The following GRAMD1B variants were observed in gnomAD, a reference collection of about 807,000 sequenced individuals.
GRAMD1B encodes protein Aster-B.
Under a neutral mutation model 99.7 loss-of-function variants are expected in GRAMD1B, and 37 were observed. The observed-to-expected ratio is 0.37, with a 90% CI of 0.29 to 0.49. The LOEUF is 0.49. Ranked by LOEUF, GRAMD1B falls within the 20% of genes least tolerant of loss-of-function variation. The pLI is 0.98. For synonymous variants in GRAMD1B, 427 were observed against 387.6 expected (o/e 1.10, Z -1.19); for missense variants, 888 against 1,009.2 (o/e 0.88, Z 1.63).
Position 123,579,011 on chromosome 11 carries a change from T to C in GRAMD1B, c.663+1434T>C, listed in dbSNP as rs573586356. 5.3e-5 allele frequency among the ~76,000 whole-genome samples: 8 copies of C among 152,296 alleles called. No individual in the cohort carries two copies. The South Asian group carries it at 1.2e-3, about 24-fold the overall frequency. ...GGCACCCCTTAGCATTTCTAACCAC[T>C]GCCCAGACTGGGGTTCATGGTGTGC... On this transcript the variant is annotated intron_variant, in intron 3 of 19. Transcript: ENST00000635736.
chr11:123,479,700 C>CTAA (rs1951485734), intron 1 of GRAMD1B, among the ~76,000 whole-genome samples: 1 of 152,152 alleles, frequency 6.6e-6, no homozygotes, highest in Non-Finnish European at 1.5e-5. Context: ...ATGGTGCCCA[C>CTAA]AACTCTGTCT....
intron 1 of GRAMD1B, among the ~76,000 whole-genome samples, chr11:123,410,950 GT>G (rs1180195209): frequency 1.2e-4 from 18 of 151,802 alleles, no homozygotes; most frequent in Non-Finnish European, 1.0e-4. Flanking sequence ...AAAGTGCCTT[GT>G]ATACCTCTGA....
At chr11:123,597,275 TTTTTTTTTTTTAA>T (rs1951403631) in intron 7 of GRAMD1B, among the ~76,000 whole-genome samples, 1 of 126,544 alleles carries the variant, frequency 7.9e-6, no homozygotes, top group African/African-American at 2.9e-5. Context: ...TTTTTTTTTT[TTTTTTTTTTTTAA>T]GAGACAGGCT....
At chr11:123,593,963 G>A in intron 4 of GRAMD1B, 119 bp from the exon 5 acceptor site, 1 of 713,160 alleles carries the variant, frequency 1.4e-6, no homozygotes, top group Non-Finnish European at 2.5e-6. Context: ...GGGTCTGTGG[G>A]AGGGCAGAGC....
intron 2 of GRAMD1B, among the ~76,000 whole-genome samples, chr11:123,489,690 T>A (rs1938318696): frequency 6.6e-6 from 1 of 152,198 alleles, no homozygotes; most frequent in Non-Finnish European, 1.5e-5. Context: ...TCTAGAAGTC[T>A]GCCTGGGAAG....
At chr11:123,435,518 G>A (rs1949119726) in intron 1 of GRAMD1B, 3 of 688,818 alleles carry the variant, frequency 4.4e-6, no homozygotes, top group Admixed American at 2.1e-5. Flanking sequence ...ACCCTAGGAA[G>A]GAAGAAGTGG....
In GRAMD1B at chr11:123,610,155, C is replaced by T. The variant is rs1307638692; in HGVS notation, c.1777-41C>T. 3.7e-6 allele frequency: 6 copies of T among 1,608,820 alleles called. No homozygotes were observed. The East Asian group carries it at 1.3e-4, about 36-fold the overall frequency. ...AGAAGGTGCTTTTCCAAGCTTCTTG[C>T]TCCTCTTCAGTTTTGTCCAATGGAC... On this transcript the variant is annotated intron_variant, in intron 13 of 19. Coordinates refer to ENST00000635736, the MANE Select transcript of GRAMD1B (RefSeq NM_001387025.1). The surrounding 1 kb of genome is among the most constrained non-coding windows in gnomAD (Gnocchi z 4.1).
At chr11:123,358,911 G>A (rs1228899717) in intron 1 of GRAMD1B, 1 of 152,390 alleles carries the variant, frequency 6.6e-6, no homozygotes, top group Non-Finnish European at 1.5e-5. Context: ...GTGGGGGGTA[G>A]GGGTGCTGTT....
At chr11:123,599,016 C>A in intron 7 of GRAMD1B, 2 of 1,109,938 alleles carry the variant, frequency 1.8e-6, no homozygotes, top group Non-Finnish European at 2.8e-6. Context: ...GTACTTGAGG[C>A]AACAGTCATG....
chr11:123,441,609 C>G (rs551590430), intron 1 of GRAMD1B, among the ~76,000 whole-genome samples: 3 of 151,878 alleles, frequency 2.0e-5, no homozygotes, highest in East Asian at 3.9e-4. Context: ...TAGTGAGACC[C>G]CCACCTCTAT....
intron 3 of GRAMD1B, chr11:123,578,374 AT>A: frequency 6.6e-7 from 1 of 1,507,268 alleles, no homozygotes; most frequent in Non-Finnish European, 8.9e-7. Flanking sequence ...CTTCCCCACC[AT>A]TTCCCAAATA....
intron 11 of GRAMD1B, chr11:123,608,182 A>G: frequency 3.2e-6 from 1 of 310,368 alleles, no homozygotes; most frequent in South Asian, 5.7e-5. Flanking sequence ...CAGCCTTAGC[A>G]GCAGTTCTGT....
chr11:123,389,050 CA>C (rs1947177337), intron 1 of GRAMD1B, among the ~76,000 whole-genome samples: 1 of 152,010 alleles, frequency 6.6e-6, no homozygotes, highest in East Asian at 1.9e-4. Flanking sequence ...TCTTCCTCCC[CA>C]AAACCCACTG....
intron 2 of GRAMD1B, among the ~76,000 whole-genome samples, chr11:123,504,607 C>A (rs1940233560): frequency 6.6e-6 from 1 of 152,196 alleles, no homozygotes; most frequent in South Asian, 2.1e-4. Flanking sequence ...TTGTGCCAGG[C>A]AGCTTCTCTC....
intron 2 of GRAMD1B, among the ~76,000 whole-genome samples, chr11:123,545,023 G>A (rs1433938426): frequency 6.6e-6 from 1 of 152,176 alleles, no homozygotes; most frequent in African/African-American, 2.4e-5. Context: ...GTCAAGTGTG[G>A]AAGGACAGTG....
At chr11:123,547,248 G>A (rs986520609) in intron 2 of GRAMD1B, among the ~76,000 whole-genome samples, 1 of 152,162 alleles carries the variant, frequency 6.6e-6, no homozygotes, top group African/African-American at 2.4e-5. Context: ...CTCTCAATCT[G>A]GAGAAGAAGG....
At chr11:123,476,364 G>A (rs896742947) in intron 1 of GRAMD1B, among the ~76,000 whole-genome samples, 1 of 152,222 alleles carries the variant, frequency 6.6e-6, no homozygotes, top group Admixed American at 6.5e-5. Flanking sequence ...GCTTCCTAAA[G>A]TGCTGGGATT....
chr11:123,602,868 C>T (rs1478219605), intron 8 of GRAMD1B, among the ~76,000 whole-genome samples: 2 of 152,256 alleles, frequency 1.3e-5, no homozygotes, highest in East Asian at 1.9e-4. Flanking sequence ...ACTGTGGGAA[C>T]GTAAGACTCT....
At chr11:123,497,894 C>G (rs1197440431) in intron 2 of GRAMD1B, among the ~76,000 whole-genome samples, 1 of 96,598 alleles carries the variant, frequency 1.0e-5, no homozygotes, top group African/African-American at 4.8e-5. Flanking sequence ...AAGCTAGAAT[C>G]TGTCTCAAAA....
Sources: allele counts gnomAD v4.1 joint callset (sites outside exome capture counted in the v4.1 genomes callset), GRCh38; gene constraint gnomAD v4.1.1; non-coding constraint Gnocchi (gnomAD v3.1); transcripts MANE v1.5; gene names NCBI Gene and HGNC (gene_info 2026-07-23, HGNC 2026-07-21).